MBTD1: variants seen among roughly 807,000 people sequenced by gnomAD.
The protein encoded by MBTD1 is MBT domain-containing protein 1.
MBTD1 carries 24 observed loss-of-function variants against 87.8 expected under a neutral mutation model. That is an observed-to-expected ratio of 0.27 (90% CI 0.20 to 0.38). MBTD1 has a LOEUF of 0.38. MBTD1 is among the 10% of genes least tolerant of loss of function. MBTD1 has a pLI of 1.00. For missense variants in MBTD1, 436 were observed against 760.2 expected (o/e 0.57, Z 5.02); for synonymous variants, 237 against 248.6 (o/e 0.95, Z 0.44).
At chr17:51,236,185 A>G (rs750325057) in intron 2 of MBTD1, among the ~76,000 whole-genome samples, 6 of 152,112 alleles carry the variant, frequency 3.9e-5, no homozygotes, top group Non-Finnish European at 5.9e-5. Context: ...CTACCTATAG[A>G]TATCTATATC....
At position 51,227,954 on chromosome 17, in the gene MBTD1, GA is replaced by G. The variant is rs751071069; in HGVS notation, c.-48-2746del. On this transcript the variant is annotated intron_variant, in intron 2 of 16. Transcript: ENST00000586178. The stretch of plus-strand genomic sequence containing the variant: ...GCGACAGAGCAAGATTCCGTCTCAA[GA>G]AAAAAAAAAAAAAAGAAAATTTTAC... 9.8e-3 allele frequency among the ~76,000 whole-genome samples: 716 copies of G among 73,340 alleles called. 1 individual carries two copies. Among genetic ancestry groups the G allele is most frequent in the Non-Finnish European group, 0.013 (447 of 33,392 alleles). The allele number at this position is 73,340 out of a possible 152,430, so 48.1% of individuals were successfully genotyped here.
At chr17:51,249,394 C>T (rs971325201) in intron 2 of MBTD1, among the ~76,000 whole-genome samples, 1 of 152,140 alleles carries the variant, frequency 6.6e-6, no homozygotes, top group African/African-American at 2.4e-5. Context: ...TTTATTTCTT[C>T]TTATACTTCA....
At chr17:51,211,148 A>G (rs111875589) in intron 6 of MBTD1, among the ~76,000 whole-genome samples, 3,421 of 120,526 alleles carry the variant, frequency 0.028, 55 homozygotes, top group Non-Finnish European at 0.038. Flanking sequence ...TAAAAAAAAA[A>G]GAAAAAAAAA....
At position 51,188,492 on chromosome 17, in the gene MBTD1, G is replaced by A. The variant is rs528910365; in HGVS notation, c.1768+3711C>T. Reference sequence around the variant, plus strand: ...GCTGTAAGATGAAGCAACAGAGCCAGAATATGATAACCTACCAAGGCAAAC... The same window carrying A: ...GCTGTAAGATGAAGCAACAGAGCCAAAATATGATAACCTACCAAGGCAAAC... On this transcript the variant is annotated intron_variant, in intron 16 of 16. Coordinates refer to ENST00000586178, the MANE Select transcript of MBTD1 (RefSeq NM_017643.3). 2.7e-4 allele frequency among the ~76,000 whole-genome samples: 41 copies of A among 152,316 alleles called. 1 individual carries two copies. In the South Asian group the frequency reaches 8.3e-3, roughly 31 times the overall value.
chr17:51,210,993 C>T (rs937717535), intron 6 of MBTD1, among the ~76,000 whole-genome samples: 2 of 150,958 alleles, frequency 1.3e-5, no homozygotes, highest in African/African-American at 4.9e-5. Context: ...AAAAATTAGC[C>T]GGGTGTGGTG....
intron 5 of MBTD1, among the ~76,000 whole-genome samples, chr17:51,218,613 C>A (rs978973071): frequency 6.6e-6 from 1 of 151,914 alleles, no homozygotes; most frequent in Admixed American, 6.6e-5. Flanking sequence ...TCCCTCAATC[C>A]CTTTGAAGCC....
chr17:51,183,190 TAAGATAG>T (rs2050395288), intron 16 of MBTD1: 1 of 118,856 alleles, frequency 8.4e-6, no homozygotes. Flanking sequence ...TTTTTTTTTT[TAAGATAG>T]TCTCGCTCTG....
intron 2 of MBTD1, chr17:51,256,906 A>G (rs914481417): frequency 2.0e-5 from 3 of 152,146 alleles, no homozygotes; most frequent in Non-Finnish European, 2.9e-5. Context: ...TGTGACATCA[A>G]CCTCACTGCC....
intron 2 of MBTD1, among the ~76,000 whole-genome samples, chr17:51,246,642 A>G (rs1039741229): frequency 4.0e-5 from 6 of 151,840 alleles, no homozygotes; most frequent in Non-Finnish European, 4.4e-5. Flanking sequence ...TTATGTCTCT[A>G]ATTTGTTTTT....
At chr17:51,227,565 T>G (rs1236243742) in intron 2 of MBTD1, among the ~76,000 whole-genome samples, 1 of 151,454 alleles carries the variant, frequency 6.6e-6, no homozygotes, top group Non-Finnish European at 1.5e-5. Flanking sequence ...TGTCTCAAAC[T>G]CAAAACCAAG....
rs776907356 is a variant in MBTD1 at position 51,195,329 on chromosome 17, G to A, written c.1257C>T (p.Ile419=). 4.3e-6 allele frequency: 7 copies of A among 1,610,138 alleles called. No individual in the cohort carries two copies. The highest frequency in any genetic ancestry group is 1.6e-4 in the Middle Eastern group (1 of 6,072). Residue 419 remains isoleucine, a synonymous_variant, in exon 13 of 17, where the codon ATC becomes ATT. Coordinates refer to ENST00000586178, the MANE Select transcript of MBTD1 (RefSeq NM_017643.3). ...ATCCGTCTGCTGCTTCTGAGCCATC[G>A]ATCCCAATCATCAGGAATCCGTCAG... is the stretch of plus-strand genomic sequence containing the variant. The part of the protein sequence containing the change: ...VLADGFLMIG[I]DGSEAADGSD...
At chr17:51,239,131 G>A (rs1309808631) in intron 2 of MBTD1, among the ~76,000 whole-genome samples, 1 of 151,130 alleles carries the variant, frequency 6.6e-6, no homozygotes, top group East Asian at 1.9e-4. Context: ...AACTGGATAA[G>A]CGTGAAAACA....
rs1182305932 is a variant in MBTD1, at chr17:51,179,952, C to T, written c.*624G>A. 1 of 152,088 alleles carries T rather than the reference C, an allele frequency of 6.6e-6. No homozygotes were observed. The highest frequency in any genetic ancestry group is 2.1e-4 in the South Asian group (1 of 4,826). 9.4% of individuals were successfully genotyped at this position (152,088 alleles called of 1,614,324 possible). A position where few individuals can be genotyped will look rare whatever the true frequency, so the allele number is the denominator to read the frequency against. On this transcript the variant is annotated 3_prime_UTR_variant, in exon 17 of 17. Coordinates refer to ENST00000586178, the MANE Select transcript of MBTD1 (RefSeq NM_017643.3). Reference sequence around the variant, plus strand: ...AAAGTATCCAGAGTTCTTCCAGTTTCATACAGAACTCCAAATAAATTTTCA... The same window carrying T: ...AAAGTATCCAGAGTTCTTCCAGTTTTATACAGAACTCCAAATAAATTTTCA...
At chr17:51,200,591 C>T (rs1279480583) in intron 12 of MBTD1, among the ~76,000 whole-genome samples, 2 of 138,378 alleles carry the variant, frequency 1.4e-5, no homozygotes, top group East Asian at 2.2e-4. Flanking sequence ...ATGCCACGTA[C>T]GGTGGCTCAT....
chr17:51,251,465 G>T (rs1218395684), intron 2 of MBTD1: 1 of 152,176 alleles, frequency 6.6e-6, no homozygotes, highest in East Asian at 1.9e-4. Flanking sequence ...ACATAGAGCT[G>T]TGAACTATCA....
chr17:51,221,811 C>T (rs78475376), intron 3 of MBTD1, among the ~76,000 whole-genome samples: 2,839 of 152,098 alleles, frequency 0.019, 63 homozygotes, highest in African/African-American at 0.046. Context: ...ATGTAAATAC[C>T]ACATCATTTT....
chr17:51,260,140 G>C (rs530001488), upstream of MBTD1: 1 of 365,454 alleles, frequency 2.7e-6, no homozygotes, highest in Non-Finnish European at 4.9e-6. Flanking sequence ...CGCTTCCACC[G>C]TGGGACCCTC....
chr17:51,217,823 G>C (rs1248565937), intron 5 of MBTD1, among the ~76,000 whole-genome samples: 3 of 152,112 alleles, frequency 2.0e-5, no homozygotes, highest in Non-Finnish European at 2.9e-5. Flanking sequence ...TGGCCAGGCT[G>C]GTCTTCAACT....
In MBTD1 at chr17:51,228,983, G is replaced by T. The variant is rs562307193; in HGVS notation, c.-48-3774C>A. ...GGCCACTGGCTGAGGCCCAGCTCATGTCCCTAAACCTAACAAACAAACAAA... is the reference window on the plus strand; with the variant it reads ...GGCCACTGGCTGAGGCCCAGCTCATTTCCCTAAACCTAACAAACAAACAAA... On this transcript the variant is annotated intron_variant, in intron 2 of 16. Coordinates refer to ENST00000586178, the MANE Select transcript of MBTD1 (RefSeq NM_017643.3). Among the ~76,000 whole-genome samples, 4 of 151,210 alleles carry T rather than the reference G, an allele frequency of 2.6e-5. No homozygotes were observed. In the South Asian group the frequency reaches 8.4e-4, roughly 32 times the overall value.
Sources: gnomAD v4.1 joint callset for allele counts (sites outside exome capture counted in the v4.1 genomes callset) on GRCh38, gnomAD v4.1.1 for gene constraint, MANE v1.5 for transcripts, NCBI Gene and HGNC (gene_info 2026-07-23, HGNC 2026-07-21) for gene names.